The following SLC41A3 variants were observed in gnomAD, a reference collection of about 807,000 sequenced individuals.
SLC41A3 encodes SLC41A1-like 2.
SLC41A3 carries 44 observed loss-of-function variants against 45.4 expected under a neutral mutation model. That is an observed-to-expected ratio of 0.97 (90% CI 0.76 to 1.25). The LOEUF (loss-of-function observed/expected upper bound fraction) is 1.25. Among genes scored for constraint, SLC41A3 ranks in the 50% most tolerant of loss-of-function variants. The pLI is 0.00. For missense variants in SLC41A3, 550 were observed against 600.6 expected, an observed-to-expected ratio of 0.92 and a Z score of 0.88; for synonymous variants, 256 against 252.4, an observed-to-expected ratio of 1.01 and a Z score of -0.13.
chr3:126,068,160 C>A lies in SLC41A3; in HGVS notation c.60G>T (p.Leu20=). The change falls in exon 2 of 11, where the codon CTG becomes CTT. Residue 20 remains leucine (L), a synonymous_variant. Coordinates refer to ENST00000360370, the MANE Select transcript of SLC41A3 (RefSeq NM_017836.4). ...CTGTGCTGAGGGGGTGAGGAAGCCC[C>A]AGCTCCCCTGGCTTGCCACAGCTGT... ...RLDSCGKPGE[L]GLPHPLSTGG... 6.3e-7 allele frequency: 1 copy of A among 1,596,892 alleles called. No individual in the cohort carries two copies. Among genetic ancestry groups the A allele is most frequent in the East Asian group, 2.2e-5 (1 of 44,658 alleles).
intron 2 of SLC41A3, chr3:126,057,020 C>T: frequency 9.8e-7 from 1 of 1,023,198 alleles, no homozygotes; most frequent in Non-Finnish European, 1.2e-6. Context: ...TCTGCTGCCA[C>T]CTCGCCCTGT....
intron 3 of SLC41A3, among the ~76,000 whole-genome samples, chr3:126,048,136 T>A (rs1004067671): frequency 2.6e-5 from 4 of 152,174 alleles, no homozygotes; most frequent in Admixed American, 2.0e-4. Context: ...ATGCTCACCA[T>A]CACTAGTTAT....
At chr3:126,090,432 G>C (rs760696647) in intron 1 of SLC41A3, among the ~76,000 whole-genome samples, 2 of 152,156 alleles carry the variant, frequency 1.3e-5, no homozygotes, top group Non-Finnish European at 2.9e-5. Context: ...GTAACACTTG[G>C]CAGTAGATTT....
intron 3 of SLC41A3, among the ~76,000 whole-genome samples, chr3:126,036,748 T>C (rs1407320220): frequency 6.6e-6 from 1 of 152,210 alleles, no homozygotes; most frequent in Non-Finnish European, 1.5e-5. Context: ...ACTCACATAA[T>C]TTGTCATTAC....
At chr3:126,058,387 G>C (rs1307488863) in intron 2 of SLC41A3, among the ~76,000 whole-genome samples, 2 of 152,304 alleles carry the variant, frequency 1.3e-5, no homozygotes, top group Admixed American at 6.5e-5. Flanking sequence ...CCCAGGCTCT[G>C]GTAGGGATGA....
intron 3 of SLC41A3, among the ~76,000 whole-genome samples, chr3:126,036,728 T>C (rs1942223135): frequency 6.6e-6 from 1 of 152,212 alleles, no homozygotes; most frequent in South Asian, 2.1e-4. Context: ...TTCAGAAGGA[T>C]ATTTAGCTCA....
chr3:126,050,713 AC>A (rs1287145716), intron 3 of SLC41A3, among the ~76,000 whole-genome samples: 1 of 135,136 alleles, frequency 7.4e-6, no homozygotes, highest in Non-Finnish European at 1.7e-5. Context: ...CAAAGGAGGA[AC>A]AGGGGCAAAC....
chr3:126,039,867 T>C lies in SLC41A3; in HGVS notation c.382-6189A>G, dbSNP rs548041085. ...ACATACACAGGTTGGCATATATACATACATACGTTTCCTAGTTCAGTGCAC... is the reference window on the plus strand; with the variant it reads ...ACATACACAGGTTGGCATATATACACACATACGTTTCCTAGTTCAGTGCAC... On this transcript the variant is annotated intron_variant, in intron 3 of 10. Coordinates refer to ENST00000360370, the MANE Select transcript of SLC41A3 (RefSeq NM_017836.4). Among the ~76,000 whole-genome samples the C allele has an allele frequency of 9.8e-5, 15 of 152,368 alleles. 1 individual carries two copies. The South Asian group carries it at 2.1e-3, about 21-fold the overall frequency.
chr3:126,099,175 C>T (rs1393164561), intron 1 of SLC41A3, among the ~76,000 whole-genome samples: 1 of 152,008 alleles, frequency 6.6e-6, no homozygotes, highest in Non-Finnish European at 1.5e-5. Flanking sequence ...TCTGATTAGC[C>T]CTCAGCTACT....
At chr3:126,072,659 C>T (rs1944681652) in intron 1 of SLC41A3, among the ~76,000 whole-genome samples, 1 of 152,186 alleles carries the variant, frequency 6.6e-6, no homozygotes, top group Non-Finnish European at 1.5e-5. Flanking sequence ...AATGCTTATA[C>T]ACTGCTTGTG....
At chr3:126,053,538 T>G (rs1943474893) in intron 2 of SLC41A3, among the ~76,000 whole-genome samples, 1 of 152,164 alleles carries the variant, frequency 6.6e-6, no homozygotes. Flanking sequence ...TCTCTAGACT[T>G]CTTTACAGAG....
rs1255275430 is a variant in SLC41A3 at position 126,050,933 on chromosome 3, G to A, written c.381+10C>T. On this transcript the variant is annotated intron_variant, in intron 3 of 10. Transcript: ENST00000360370. ...TTGTGGCCGCCTCGAATGTCCAGGT[G>A]TCCACTTACAGCTGTGGAGAGTCTG... 6.2e-7 allele frequency: 1 copy of A among 1,608,978 alleles called. No homozygotes were observed. The highest frequency in any genetic ancestry group is 1.1e-5 in the South Asian group (1 of 89,496).
intron 2 of SLC41A3, chr3:126,056,250 C>T: frequency 7.1e-7 from 1 of 1,408,768 alleles, no homozygotes; most frequent in Non-Finnish European, 9.7e-7. Flanking sequence ...TGAGGGCTGC[C>T]CTCCCACTGT....
At chr3:126,068,930 T>G (rs774851089) in intron 1 of SLC41A3, among the ~76,000 whole-genome samples, 3 of 152,130 alleles carry the variant, frequency 2.0e-5, no homozygotes, top group African/African-American at 7.2e-5. Context: ...TGGGAGAAGT[T>G]AGTAGAAAAC....
intron 1 of SLC41A3, among the ~76,000 whole-genome samples, chr3:126,074,344 G>T (rs954794728): frequency 2.0e-5 from 3 of 151,846 alleles, no homozygotes; most frequent in Non-Finnish European, 2.9e-5. Flanking sequence ...CAAACTTAGC[G>T]AGAGTCTGAA....
At chr3:126,038,042 C>T (rs773935269) in intron 3 of SLC41A3, among the ~76,000 whole-genome samples, 1 of 152,258 alleles carries the variant, frequency 6.6e-6, no homozygotes, top group Non-Finnish European at 1.5e-5. Flanking sequence ...AGTCTTACAC[C>T]TTGGTGGCTC....
At chr3:126,095,304 G>T (rs1457255550) in intron 1 of SLC41A3, 2 of 660,326 alleles carry the variant, frequency 3.0e-6, no homozygotes, top group Non-Finnish European at 5.5e-6. Flanking sequence ...CAGCCGTGTT[G>T]AGGCTGATGC....
chr3:126,067,027 T>C (rs1210534336), intron 2 of SLC41A3, among the ~76,000 whole-genome samples: 1 of 130,970 alleles, frequency 7.6e-6, no homozygotes, highest in Non-Finnish European at 1.7e-5. Context: ...AGGCAAAATA[T>C]CTGTGTCAAT....
rs879143649 is a variant in SLC41A3, at chr3:126,007,242, G to T, written c.1255-17C>A. 1 of 1,612,260 alleles carries T rather than the reference G, an allele frequency of 6.2e-7. No homozygotes were observed. Among genetic ancestry groups the T allele is most frequent in the South Asian group, 1.1e-5 (1 of 90,792 alleles). On this transcript the variant is annotated splice_polypyrimidine_tract_variant and intron_variant, in intron 10 of 10. Transcript: ENST00000360370. ...GATTGTCACCTGTCAGAAGGGCAAA[G>T]AGACACAAAAGAAGACCAAGTCAGA...
Sources: gnomAD v4.1 joint callset for allele counts (sites outside exome capture counted in the v4.1 genomes callset) on GRCh38, gnomAD v4.1.1 for gene constraint, MANE v1.5 for transcripts, NCBI Gene and HGNC (gene_info 2026-07-23, HGNC 2026-07-21) for gene names.